Variants in SMAP1 observed in about 807,000 individuals in gnomAD.
SMAP1 encodes small ArfGAP 1, also known as stromal membrane-associated protein 1.
SMAP1 carries 24 observed loss-of-function variants against 58.5 expected under a neutral mutation model. The ratio of observed to expected loss-of-function variants is 0.41; its 90% CI spans 0.30 to 0.58. The LOEUF (loss-of-function observed/expected upper bound fraction) is 0.58, where lower values mean the gene tolerates loss of function less well. Ranked by LOEUF, SMAP1 falls within the 20% of genes least tolerant of loss-of-function variation. SMAP1 has a pLI of 0.29. For missense variants in SMAP1, 563 were observed against 566.3 expected (o/e 0.99, Z 0.06); for synonymous variants, 216 against 196.6 (o/e 1.10, Z -0.82).
chr6:70,765,917 C>T (rs1766957497), intron 3 of SMAP1, among the ~76,000 whole-genome samples: 1 of 136,820 alleles, frequency 7.3e-6, no homozygotes, highest in African/African-American at 2.7e-5. Context: ...CACAACAGTC[C>T]CCAGAGTATG....
chr6:70,845,697 T>C (rs922752997), intron 7 of SMAP1, among the ~76,000 whole-genome samples: 1 of 152,158 alleles, frequency 6.6e-6, no homozygotes, highest in Non-Finnish European at 1.5e-5. Context: ...CTGTATCTTA[T>C]CATAGGGCAC....
In SMAP1 at chr6:70,698,030, C is replaced by T. The variant is rs138704084; in HGVS notation, c.118+29889C>T. ...TACCTTAAGATGATTTCTTATTGCT[C>T]GTTAACATCATTTTCTTTCAGATTG... On this transcript the variant is annotated intron_variant, in intron 1 of 10. Transcript: ENST00000370455. Among the ~76,000 whole-genome samples the T allele has an allele frequency of 1.3e-3, 205 of 152,150 alleles. 1 individual carries two copies. Among genetic ancestry groups the T allele is most frequent in the Non-Finnish European group, 2.5e-3 (167 of 67,994 alleles).
intron 7 of SMAP1, among the ~76,000 whole-genome samples, chr6:70,845,038 G>A (rs921177735): frequency 6.6e-6 from 1 of 152,266 alleles, no homozygotes; most frequent in East Asian, 1.9e-4. Flanking sequence ...AGATTTGGGA[G>A]TTTTCATTGT....
At chr6:70,702,401 C>G (rs1464215879) in intron 1 of SMAP1, among the ~76,000 whole-genome samples, 3 of 150,932 alleles carry the variant, frequency 2.0e-5, no homozygotes, top group Admixed American at 2.0e-4. Flanking sequence ...GGGAGGGGGT[C>G]TGTTTATTTG....
intron 5 of SMAP1, among the ~76,000 whole-genome samples, chr6:70,795,065 T>G (rs1768545799): frequency 2.0e-5 from 3 of 152,222 alleles, no homozygotes; most frequent in African/African-American, 7.2e-5. Context: ...TGATGGACAT[T>G]TGGGTTGTTT....
chr6:70,841,390 C>CCGAGGCTG (rs1770800870), intron 7 of SMAP1, among the ~76,000 whole-genome samples: 1 of 152,170 alleles, frequency 6.6e-6, no homozygotes, highest in Admixed American at 6.5e-5. Flanking sequence ...GGGTGCACTG[C>CCGAGGCTG]CGAGGCTGTC....
chr6:70,740,383 A>G (rs1765764916), intron 2 of SMAP1, among the ~76,000 whole-genome samples: 1 of 151,842 alleles, frequency 6.6e-6, no homozygotes, highest in Admixed American at 6.6e-5. Context: ...ATATGGCAAA[A>G]TGCCGTCTCT....
chr6:70,787,437 A>T (rs370965871), intron 4 of SMAP1, among the ~76,000 whole-genome samples: 2 of 152,170 alleles, frequency 1.3e-5, no homozygotes, highest in Non-Finnish European at 2.9e-5. Flanking sequence ...ACAAAAGCCA[A>T]AATTGACAAA....
chr6:70,715,652 A>G (rs1017823076), intron 1 of SMAP1, among the ~76,000 whole-genome samples: 1 of 152,120 alleles, frequency 6.6e-6, no homozygotes, highest in African/African-American at 2.4e-5. Flanking sequence ...TGGACTTGGG[A>G]TGGTGGAGTA....
intron 7 of SMAP1, among the ~76,000 whole-genome samples, chr6:70,852,226 C>T (rs1385889189): frequency 2.6e-5 from 4 of 151,642 alleles, no homozygotes; most frequent in African/African-American, 7.3e-5. Flanking sequence ...ATAGGAAGCA[C>T]CATAAAAATC....
Position 70,798,671 on chromosome 6 carries a change from A to C in SMAP1, c.510A>C (p.Lys170Asn). The change falls in exon 6 of 11, where the codon AAA becomes AAC. Residue 170 changes from lysine to asparagine, a missense_variant. Physicochemically the swap from Lys to Asn is moderately conservative, Grantham distance 94. Transcript: ENST00000370455. Reference protein sequence around the residue: ...DKNKLEKEKEKKKEEKKREKE... With the variant: ...DKNKLEKEKENKKEEKKREKE... ...CTGTGTTTTAGAAAGAAAAGGAAAAAAAAAAGGAAGAGAAAAAGAGAGAAA... is the reference window on the plus strand; with the variant it reads ...CTGTGTTTTAGAAAGAAAAGGAAAACAAAAAGGAAGAGAAAAAGAGAGAAA... 1 of 1,538,396 alleles carries C rather than the reference A, an allele frequency of 6.5e-7. No individual in the cohort carries two copies. Among genetic ancestry groups the C allele is most frequent in the Non-Finnish European group, 8.7e-7 (1 of 1,144,296 alleles).
Position 70,860,479 on chromosome 6 carries a change from C to T in SMAP1, c.*145C>T. 1.1e-6 allele frequency: 1 copy of T among 921,712 alleles called. No individual in the cohort carries two copies. The highest frequency in any genetic ancestry group is 3.6e-5 in the Admixed American group (1 of 28,076). The allele number at this position is 921,712 out of a possible 1,614,324, so 57.1% of individuals were successfully genotyped here. Reference sequence around the variant, plus strand: ...GAATGATCTGATTGACCGTGTTGGTCTGTACTGATTCAATTTGATGTGGTG... The same window carrying T: ...GAATGATCTGATTGACCGTGTTGGTTTGTACTGATTCAATTTGATGTGGTG... On this transcript the variant is annotated 3_prime_UTR_variant, in exon 11 of 11. Transcript: ENST00000370455.
At chr6:70,724,539 A>C (rs1768680636) in intron 1 of SMAP1, among the ~76,000 whole-genome samples, 1 of 152,210 alleles carries the variant, frequency 6.6e-6, no homozygotes, top group Non-Finnish European at 1.5e-5. Context: ...GAGTGATCAC[A>C]ATCACTTGCC....
intron 3 of SMAP1, among the ~76,000 whole-genome samples, chr6:70,771,743 G>A (rs934402642): frequency 3.3e-5 from 5 of 152,076 alleles, no homozygotes; most frequent in Admixed American, 1.3e-4. Context: ...GCTCGCCCAC[G>A]GTGTGCTGCA....
At chr6:70,764,892 C>T (rs1171639652) in intron 3 of SMAP1, among the ~76,000 whole-genome samples, 1 of 152,190 alleles carries the variant, frequency 6.6e-6, no homozygotes, top group Non-Finnish European at 1.5e-5. Context: ...CCTGACTTTC[C>T]AGGCTCAGGT....
intron 1 of SMAP1, among the ~76,000 whole-genome samples, chr6:70,674,267 C>G (rs1766389055): frequency 6.6e-6 from 1 of 151,978 alleles, no homozygotes; most frequent in African/African-American, 2.4e-5. Flanking sequence ...TGTGTGCGAC[C>G]ATGCCTACCT....
At chr6:70,698,560 G>A (rs1324586283) in intron 1 of SMAP1, among the ~76,000 whole-genome samples, 1 of 152,046 alleles carries the variant, frequency 6.6e-6, no homozygotes, top group Non-Finnish European at 1.5e-5. Context: ...GATTTCGTAG[G>A]CATGCTTCAT....
chr6:70,676,949 T>C (rs1294968741), intron 1 of SMAP1, among the ~76,000 whole-genome samples: 1 of 151,762 alleles, frequency 6.6e-6, no homozygotes. Flanking sequence ...TATGGCTAAT[T>C]TAAAAAAAAT....
intron 6 of SMAP1, among the ~76,000 whole-genome samples, chr6:70,827,790 A>G (rs1484637451): frequency 6.6e-6 from 1 of 152,226 alleles, no homozygotes; most frequent in South Asian, 2.1e-4. Context: ...TTGGGGCGGT[A>G]GTGTCCATAG....
Sources: allele counts gnomAD v4.1 joint callset (sites outside exome capture counted in the v4.1 genomes callset), GRCh38; gene constraint gnomAD v4.1.1; transcripts MANE v1.5; gene names NCBI Gene and HGNC (gene_info 2026-07-23, HGNC 2026-07-21).